Variants in CFAP97 observed in about 807,000 individuals in gnomAD.
CFAP97 encodes the protein cilia and flagella associated protein 97, also known as cilia- and flagella-associated protein 97.
A neutral mutation model predicts 43.1 loss-of-function variants in CFAP97; 36 were observed. The ratio of observed to expected loss-of-function variants is 0.84; its 90% CI spans 0.64 to 1.10. CFAP97 has a LOEUF of 1.10. Among genes scored for constraint, CFAP97 ranks in the 50% least tolerant of loss-of-function variants. The probability of loss-of-function intolerance (pLI) is 0.00; values close to 1 mark genes in which losing one functional copy is unlikely to be tolerated. For missense variants in CFAP97, 657 were observed against 620.3 expected, an observed-to-expected ratio of 1.06 and a Z score of -0.63; for synonymous variants, 228 against 225.7, an observed-to-expected ratio of 1.01 and a Z score of -0.09.
chr4:185,175,792 T>C lies in CFAP97; in HGVS notation c.1314A>G (p.Glu438=), dbSNP rs1735494294. The C allele has an allele frequency of 6.2e-7, 1 of 1,610,314 alleles. No individual in the cohort carries two copies. The highest frequency in any genetic ancestry group is 1.3e-5 in the African/African-American group (1 of 74,818). ...RQKEQQRIER[E]NLALLKRLEA... ...AATTATTTCAGTTACTTACCAAGTT[T>C]TCTCTCTCAATCCTTTGTTGTTCCT... The change falls in exon 3 of 5, where the codon GAA becomes GAG. Residue 438 remains glutamate, a synonymous_variant. Coordinates refer to ENST00000458385, the MANE Select transcript of CFAP97 (RefSeq NM_020827.3).
intron 3 of CFAP97, chr4:185,169,232 C>G (rs193013851): frequency 6.6e-6 from 1 of 152,308 alleles, no homozygotes; most frequent in African/African-American, 2.4e-5. Context: ...TGTCCCCACC[C>G]AAATCTCATC....
At chr4:185,179,965 T>C (rs1460264920) in intron 2 of CFAP97, among the ~76,000 whole-genome samples, 1 of 152,198 alleles carries the variant, frequency 6.6e-6, no homozygotes, top group Non-Finnish European at 1.5e-5. Flanking sequence ...CTTTTTAGTG[T>C]ATTTGACCCA....
intron 2 of CFAP97, among the ~76,000 whole-genome samples, chr4:185,182,992 C>A (rs959066948): frequency 6.6e-6 from 1 of 151,636 alleles, no homozygotes; most frequent in African/African-American, 2.4e-5. Context: ...CCCAGCTACT[C>A]GGGAGGCTGA....
upstream of CFAP97, chr4:185,209,855 G>C (rs1737458794): frequency 1.0e-6 from 1 of 983,350 alleles, no homozygotes. The surrounding 1 kb of genome is among the most constrained non-coding windows in gnomAD (Gnocchi z 5.2). Context: ...GACAGTGGCG[G>C]CGCCGGCCCC....
At chr4:185,167,579 AT>A (rs1404148057) in intron 3 of CFAP97, among the ~76,000 whole-genome samples, 1 of 152,226 alleles carries the variant, frequency 6.6e-6, no homozygotes, top group Non-Finnish European at 1.5e-5. Context: ...TCTGCCACTG[AT>A]TGTGTCCTTG....
intron 2 of CFAP97, among the ~76,000 whole-genome samples, chr4:185,176,709 G>C (rs1164510071): frequency 6.6e-6 from 1 of 152,120 alleles, no homozygotes; most frequent in African/African-American, 2.4e-5. Context: ...AGAAACCTCA[G>C]AGTTGAGGGC....
chr4:185,190,079 A>G, intron 2 of CFAP97, 64 bp downstream of exon 2: 2 of 1,279,988 alleles, frequency 1.6e-6, no homozygotes, highest in Non-Finnish European at 2.1e-6. Flanking sequence ...AATTCATAGC[A>G]TTTAATATTT....
chr4:185,177,327 T>G (rs1478275372), intron 2 of CFAP97, among the ~76,000 whole-genome samples: 1 of 150,584 alleles, frequency 6.6e-6, no homozygotes, highest in Non-Finnish European at 1.5e-5. Context: ...GCAGGAGAAT[T>G]GCTTGAACCC....
At chr4:185,202,177 G>A (rs1345642708) in intron 1 of CFAP97, among the ~76,000 whole-genome samples, 1 of 152,186 alleles carries the variant, frequency 6.6e-6, no homozygotes, top group South Asian at 2.1e-4. Context: ...GGAGTTTGGA[G>A]TTAGGAGATT....
rs931615617 is a variant in CFAP97, at chr4:185,209,503, C to G, written c.-252G>C. Reference sequence around the variant, plus strand: ...CCCCCGCGCTGTGGGTGGGCGCCTCCCGGCTGTCACTCAGCGGCCGCGGTG... The same window carrying G: ...CCCCCGCGCTGTGGGTGGGCGCCTCGCGGCTGTCACTCAGCGGCCGCGGTG... On this transcript the variant is annotated 5_prime_UTR_variant, in exon 1 of 3. Coordinates refer to the CFAP97 transcript ENST00000503223. This position sits in a 1 kb window ranked among gnomAD's most constrained non-coding sequence, Gnocchi z 5.2. The G allele has an allele frequency of 2.5e-5, 4 of 157,238 alleles. No individual in the cohort carries two copies. Among genetic ancestry groups the G allele is most frequent in the African/African-American group, 9.6e-5 (4 of 41,524 alleles). The allele number at this position is 157,238 out of a possible 1,614,324, so 9.7% of individuals were successfully genotyped here. A position where few individuals can be genotyped will look rare whatever the true frequency, so the allele number is the denominator to read the frequency against.
chr4:185,169,243 T>C (rs1735189244), intron 3 of CFAP97: 1 of 152,210 alleles, frequency 6.6e-6, no homozygotes, highest in South Asian at 2.1e-4. Context: ...AAATCTCATC[T>C]CGAATTGTAA....
chr4:185,191,042 T>C lies in CFAP97; in HGVS notation c.155A>G (p.Asn52Ser). 1 of 1,613,450 alleles carries C rather than the reference T, an allele frequency of 6.2e-7. No homozygotes were observed. Among genetic ancestry groups the C allele is most frequent in the African/African-American group, 1.3e-5 (1 of 75,044 alleles). The change falls in exon 2 of 5, where the codon AAT becomes AGT. Residue 52 changes from asparagine to serine, a missense_variant. Transcript: ENST00000458385. ...ERIDKDTKNV[N>S]SNTGMQTTEN... The stretch of plus-strand genomic sequence containing the variant: ...TGTTGTTTGCATTCCAGTGTTCGAA[T>C]TTACATTTTTTGTATCTTTATCTAT...
chr4:185,208,747 A>T (rs571065358), upstream of CFAP97, among the ~76,000 whole-genome samples: 2 of 152,240 alleles, frequency 1.3e-5, no homozygotes, highest in East Asian at 3.9e-4. Flanking sequence ...AAAAGAAAGA[A>T]AGAAAGAATG....
chr4:185,163,879 T>TAA, intron 4 of CFAP97, 150 bp downstream of exon 4: 1 of 671,714 alleles, frequency 1.5e-6, no homozygotes, highest in Non-Finnish European at 2.4e-6. Flanking sequence ...TTAAGTGAAC[T>TAA]AATACAAATA....
At chr4:185,200,518 T>C (rs1454355640) in intron 1 of CFAP97, among the ~76,000 whole-genome samples, 1 of 152,162 alleles carries the variant, frequency 6.6e-6, no homozygotes, top group Non-Finnish European at 1.5e-5. Flanking sequence ...CACATGTCTG[T>C]AATCCCAGCT....
intron 4 of CFAP97, 47 bp from the exon 5 acceptor site, chr4:185,162,972 G>A: frequency 6.8e-7 from 1 of 1,475,256 alleles, no homozygotes; most frequent in Non-Finnish European, 9.0e-7. Context: ...CTCCTCACTT[G>A]AAGTCCAGAC....
At position 185,190,486 on chromosome 4, in the gene CFAP97, A is replaced by C; in HGVS notation, c.711T>G (p.Thr237=). Reference sequence around the variant, plus strand: ...CAGGGTAGTGGCCACATTTTGGTGTAGTACTTGAAGGCTGTGTTTCTGTCG... The same window carrying C: ...CAGGGTAGTGGCCACATTTTGGTGTCGTACTTGAAGGCTGTGTTTCTGTCG... The part of the protein sequence containing the change: ...IKSTETQPSS[T]TPKCGHYPEE... The change falls in exon 2 of 5, where the codon ACT becomes ACG. Residue 237 remains threonine, a synonymous_variant. Transcript: ENST00000458385. 2 of 1,613,946 alleles carry C rather than the reference A, an allele frequency of 1.2e-6. No homozygotes were observed. Among genetic ancestry groups the C allele is most frequent in the South Asian group, 2.2e-5 (2 of 91,068 alleles).
At chr4:185,200,592 G>C (rs907258600) in intron 1 of CFAP97, among the ~76,000 whole-genome samples, 5 of 151,914 alleles carry the variant, frequency 3.3e-5, no homozygotes, top group South Asian at 4.2e-4. Flanking sequence ...GCAGTGAACC[G>C]AGCTTGCGTC....
At chr4:185,165,219 C>A (rs116542549) in intron 3 of CFAP97, among the ~76,000 whole-genome samples, 1 of 152,040 alleles carries the variant, frequency 6.6e-6, no homozygotes, top group Admixed American at 6.5e-5. Context: ...GAGCCCGGGG[C>A]GGGTGGATGA....
Sources: gnomAD v4.1 joint callset for allele counts (sites outside exome capture counted in the v4.1 genomes callset) on GRCh38, gnomAD v4.1.1 for gene constraint, Gnocchi (gnomAD v3.1) non-coding constraint, MANE v1.5 for transcripts, NCBI Gene and HGNC (gene_info 2026-07-23, HGNC 2026-07-21) for gene names.